Variants in CHD1L observed in about 807,000 individuals in gnomAD.
The protein encoded by CHD1L is chromodomain helicase DNA binding protein 1 like.
CHD1L carries 118 observed loss-of-function variants against 115.9 expected under a neutral mutation model. The observed-to-expected ratio is 1.02, with a 90% CI of 0.88 to 1.19. CHD1L has a LOEUF of 1.19. CHD1L is among the 50% of genes most tolerant of loss of function. The pLI is 0.00. For missense variants in CHD1L, 1,179 were observed against 1,065.3 expected, an observed-to-expected ratio of 1.11 and a Z score of -1.49; for synonymous variants, 411 against 387.1, an observed-to-expected ratio of 1.06 and a Z score of -0.72.
chr1:147,235,459 T>C, the CHD1L span, among the ~76,000 whole-genome samples: 3 of 152,168 alleles, frequency 2.0e-5, no homozygotes, highest in South Asian at 2.1e-4. Flanking sequence ...TTATGGGCCT[T>C]TCAGAAGCAC....
At chr1:147,290,554 A>G (rs1685121645) in intron 19 of CHD1L, among the ~76,000 whole-genome samples, 1 of 152,194 alleles carries the variant, frequency 6.6e-6, no homozygotes, top group African/African-American at 2.4e-5. Flanking sequence ...CCCTTGTGCA[A>G]GGTCATGGGT....
chr1:147,194,679 A>C, the CHD1L span, among the ~76,000 whole-genome samples: 1 of 152,080 alleles, frequency 6.6e-6, no homozygotes, highest in East Asian at 1.9e-4. Flanking sequence ...TGCTTCCTTC[A>C]GGAGCTCTTT....
upstream of CHD1L, among the ~76,000 whole-genome samples, chr1:147,241,926 A>C (rs1664939952): frequency 6.6e-6 from 1 of 152,346 alleles, no homozygotes; most frequent in African/African-American, 2.4e-5. Context: ...ACACCTAATT[A>C]TTGGTTATTG....
At chr1:147,204,965 C>T in the CHD1L span, 2 of 1,293,722 alleles carry the variant, frequency 1.5e-6, no homozygotes, top group Non-Finnish European at 1.1e-6. Flanking sequence ...CACGTGACCG[C>T]TCAGAAGACC....
chr1:147,216,267 C>T, the CHD1L span, among the ~76,000 whole-genome samples: 5,608 of 152,240 alleles, frequency 0.037, 107 homozygotes, highest in African/African-American at 0.047. Flanking sequence ...TACCATGAGA[C>T]CACCATAGCT....
chr1:147,268,512 A>G (rs1247137592), intron 9 of CHD1L, among the ~76,000 whole-genome samples: 1 of 152,224 alleles, frequency 6.6e-6, no homozygotes, highest in Non-Finnish European at 1.5e-5. Flanking sequence ...CTTATTTTAT[A>G]GAGTGAGTCT....
chr1:147,200,666 T>C, the CHD1L span, among the ~76,000 whole-genome samples: 1 of 152,096 alleles, frequency 6.6e-6, no homozygotes, highest in Admixed American at 6.5e-5. Context: ...ATTTGGGGGA[T>C]TGAATATCCT....
At chr1:147,179,203 T>TA in the CHD1L span, 2 of 1,613,962 alleles carry the variant, frequency 1.2e-6, no homozygotes, top group Non-Finnish European at 1.7e-6. Flanking sequence ...TCTGAAGAGA[T>TA]ACCTGAAGTC....
At chr1:147,178,087 C>G in the CHD1L span, 2 of 1,435,994 alleles carry the variant, frequency 1.4e-6, no homozygotes, top group Middle Eastern at 1.8e-4. Flanking sequence ...GCGACCCTTC[C>G]GGCTGCCCCC....
At chr1:147,259,939 T>TAC (rs782026509) in intron 6 of CHD1L, 21 bp downstream of exon 6, 1 of 1,562,258 alleles carries the variant, frequency 6.4e-7, no homozygotes, top group South Asian at 1.1e-5. Context: ...AGTGTAGCCT[T>TAC]AGTTTTTATA....
chr1:147,271,918 A>C (rs1676397632), intron 11 of CHD1L, among the ~76,000 whole-genome samples: 1 of 152,258 alleles, frequency 6.6e-6, no homozygotes, highest in Non-Finnish European at 1.5e-5. Flanking sequence ...ACTGAGTATT[A>C]ACTTCATAAG....
chr1:147,193,872 C>G, the CHD1L span, among the ~76,000 whole-genome samples: 3 of 152,028 alleles, frequency 2.0e-5, no homozygotes, highest in African/African-American at 7.3e-5. Flanking sequence ...GTCTGAGAGA[C>G]AGTTTGTTAT....
chr1:147,260,807 A>G (rs1396029555), intron 6 of CHD1L: 2 of 152,150 alleles, frequency 1.3e-5, no homozygotes, highest in Non-Finnish European at 2.9e-5. Context: ...GATCTCTTGC[A>G]TCATTCTGGC....
intron 18 of CHD1L, 55 bp downstream of exon 18, chr1:147,286,555 AACTGGGGAGGATGGGGC>A: frequency 6.5e-7 from 1 of 1,541,000 alleles, no homozygotes; most frequent in Non-Finnish European, 8.9e-7. Context: ...TGGTGCCAAG[AACTGGGGAGGATGGGGC>A]ACTGGGACTG....
In CHD1L at chr1:147,268,856, C is replaced by T. The variant is rs782494468; in HGVS notation, c.1063C>T (p.Leu355=). Residue 355 remains leucine (L), a synonymous_variant, in exon 10 of 23, where the codon CTA becomes TTA. Transcript: ENST00000369258. ...TGGGAAGCTTCACCTGCTGGATAAG[C>T]TACTAGCATTCCTGTATTCTGGGTA... ...ASGKLHLLDK[L]LAFLYSGGHR... is the part of the protein sequence containing the mutation. 1 of 1,613,372 alleles carries T rather than the reference C, an allele frequency of 6.2e-7. No individual in the cohort carries two copies. Among genetic ancestry groups the T allele is most frequent in the Admixed American group, 1.7e-5 (1 of 60,008 alleles).
intron 11 of CHD1L, 86 bp from the exon 12 acceptor site, chr1:147,272,085 G>C: frequency 1.9e-6 from 2 of 1,058,090 alleles, no homozygotes; most frequent in Non-Finnish European, 2.8e-6. Context: ...GGACAAAATT[G>C]GCCTTTGGTT....
the CHD1L span, chr1:147,190,250 C>T: frequency 6.3e-7 from 1 of 1,592,340 alleles, no homozygotes; most frequent in Non-Finnish European, 8.6e-7. Context: ...GTCTTTAGAC[C>T]TAAAAACAAA....
At chr1:147,293,379 A>T (rs781843949) in intron 20 of CHD1L, among the ~76,000 whole-genome samples, 3 of 151,944 alleles carry the variant, frequency 2.0e-5, no homozygotes, top group African/African-American at 4.8e-5. Context: ...GTTTTAAAGT[A>T]TTTTAAAAAG....
At chr1:147,226,322 C>T in the CHD1L span, among the ~76,000 whole-genome samples, 1 of 151,960 alleles carries the variant, frequency 6.6e-6, no homozygotes, top group African/African-American at 2.4e-5. Context: ...TTTTAAATCC[C>T]CATGCACTGA....
Sources: allele counts gnomAD v4.1 joint callset (sites outside exome capture counted in the v4.1 genomes callset), GRCh38; gene constraint gnomAD v4.1.1; transcripts MANE v1.5; gene names NCBI Gene and HGNC (gene_info 2026-07-23, HGNC 2026-07-21).